The following RAD54L2 variants were observed in gnomAD, a reference collection of about 807,000 sequenced individuals.
The protein encoded by RAD54L2 is RAD54 like 2, also known as helicase ARIP4.
In RAD54L2, 27 loss-of-function variants were observed where a neutral mutation model predicts 138.4. The ratio of observed to expected loss-of-function variants is 0.20; its 90% CI spans 0.14 to 0.27. RAD54L2 has a LOEUF of 0.27. Among genes scored for constraint, RAD54L2 ranks in the 10% least tolerant of loss-of-function variants. RAD54L2 has a pLI of 1.00. For missense variants in RAD54L2, 1,396 were observed against 1,890.2 expected, an observed-to-expected ratio of 0.74 and a Z score of 4.85; for synonymous variants, 644 against 723.2, an observed-to-expected ratio of 0.89 and a Z score of 1.76.
At position 51,663,438 on chromosome 3, in the gene RAD54L2, A is replaced by G. The variant is rs758284252; in HGVS notation, c.*18A>G. On this transcript the variant is annotated 3_prime_UTR_variant, in exon 23 of 23. Coordinates refer to ENST00000684192, the MANE Select transcript of RAD54L2 (RefSeq NM_015106.4). ...GGAAATAGCTAGGGAGCCCCTCCCCACCTCACTTGGGGCCCCCAGCAGGTT... is the reference window on the plus strand; with the variant it reads ...GGAAATAGCTAGGGAGCCCCTCCCCGCCTCACTTGGGGCCCCCAGCAGGTT... The G allele has an allele frequency of 1.2e-6, 2 of 1,600,606 alleles. No homozygotes were observed. The highest frequency in any genetic ancestry group is 1.7e-6 in the Non-Finnish European group (2 of 1,171,080).
chr3:51,566,641 T>G (rs1231894279), intron 2 of RAD54L2, among the ~76,000 whole-genome samples: 2 of 151,818 alleles, frequency 1.3e-5, no homozygotes, highest in Non-Finnish European at 2.9e-5. Flanking sequence ...TTTTTAGAGA[T>G]AGTTATGTCT....
chr3:51,584,184 A>G (rs1225130172), intron 2 of RAD54L2, among the ~76,000 whole-genome samples: 3 of 152,136 alleles, frequency 2.0e-5, no homozygotes, highest in African/African-American at 7.2e-5. Context: ...CTTTAGTGCT[A>G]TGCTAGGTTC....
chr3:51,573,833 AAGTT>A (rs905071804), intron 2 of RAD54L2, among the ~76,000 whole-genome samples: 2 of 152,066 alleles, frequency 1.3e-5, no homozygotes, highest in African/African-American at 2.4e-5. Flanking sequence ...GTCTTTTAGA[AAGTT>A]ATTTATTTAT....
At chr3:51,655,881 A>G (rs1181697153) in intron 19 of RAD54L2, 90 bp from the exon 20 acceptor site, 2 of 1,149,598 alleles carry the variant, frequency 1.7e-6, no homozygotes, top group East Asian at 2.4e-5. Context: ...ATGGTGTAGA[A>G]TGGGGCAGCC....
chr3:51,570,881 G>A (rs533581801), intron 2 of RAD54L2, among the ~76,000 whole-genome samples: 2 of 152,120 alleles, frequency 1.3e-5, no homozygotes, highest in East Asian at 3.9e-4. Context: ...GAGTGCAATG[G>A]CATGATCTTG....
chr3:51,630,990 G>A (rs1014836588), intron 7 of RAD54L2, 59 bp downstream of exon 7: 1 of 1,493,616 alleles, frequency 6.7e-7, no homozygotes, highest in South Asian at 1.2e-5. Flanking sequence ...TGTGAACATT[G>A]CCTGCTGGTG....
chr3:51,624,239 T>G (rs1018244448), intron 3 of RAD54L2, among the ~76,000 whole-genome samples: 19 of 149,374 alleles, frequency 1.3e-4, no homozygotes, highest in African/African-American at 4.2e-4. Flanking sequence ...GTGGTTTTTT[T>G]TTTTTTTTTT....
At position 51,665,872 on chromosome 3, in the gene RAD54L2, ACTGTACTAGC is replaced by A. The variant is rs1559662844; in HGVS notation, c.*2455_*2464del. On this transcript the variant is annotated 3_prime_UTR_variant, in exon 23 of 23. Transcript: ENST00000684192. Reference sequence around the variant, plus strand: ...TTTCTGTGTTCACTTCTAGGAAATCACTGTACTAGCCTCCAAGAATCCGGAAACCTTCCCA... The same window carrying A: ...TTTCTGTGTTCACTTCTAGGAAATCACTCCAAGAATCCGGAAACCTTCCCA... The A allele has an allele frequency of 6.6e-6, 1 of 152,204 alleles. No individual in the cohort carries two copies. Among genetic ancestry groups the A allele is most frequent in the Non-Finnish European group, 1.5e-5 (1 of 68,036 alleles). 9.4% of individuals were successfully genotyped at this position (152,204 alleles called of 1,614,324 possible).
chr3:51,581,132 C>CT (rs1351281807), intron 2 of RAD54L2, among the ~76,000 whole-genome samples: 1 of 152,130 alleles, frequency 6.6e-6, no homozygotes, highest in Non-Finnish European at 1.5e-5. Flanking sequence ...TAACGAGACT[C>CT]TGTCGCCTAG....
At position 51,594,643 on chromosome 3, in the gene RAD54L2, T is replaced by C. The variant is rs540315452; in HGVS notation, c.139+4084T>C. On this transcript the variant is annotated intron_variant, in intron 3 of 22. Coordinates refer to ENST00000684192, the MANE Select transcript of RAD54L2 (RefSeq NM_015106.4). ...GGAAGAAGGTGATTGTTAATTATTG[T>C]TGAGCAGAGGTGGAAGGACAGTTAG... Among the ~76,000 whole-genome samples the C allele has an allele frequency of 7.2e-5, 11 of 152,178 alleles. No individual in the cohort carries two copies. In the East Asian group the frequency reaches 1.9e-3, roughly 27 times the overall value.
chr3:51,651,040 A>C (rs1015851972), intron 19 of RAD54L2, among the ~76,000 whole-genome samples: 5 of 152,202 alleles, frequency 3.3e-5, no homozygotes, highest in Non-Finnish European at 5.9e-5. Flanking sequence ...GAACACTAGC[A>C]AGACTAAGAA....
chr3:51,565,835 C>A (rs1057212286), intron 2 of RAD54L2, among the ~76,000 whole-genome samples: 8 of 147,474 alleles, frequency 5.4e-5, no homozygotes, highest in Admixed American at 1.4e-4. Flanking sequence ...CCCACCCCCC[C>A]CTTTTTTTTT....
intron 2 of RAD54L2, among the ~76,000 whole-genome samples, chr3:51,584,466 C>T (rs1699671009): frequency 6.6e-6 from 1 of 151,958 alleles, no homozygotes; most frequent in Non-Finnish European, 1.5e-5. Context: ...CATTGGGCTA[C>T]ATGGAGGTTT....
chr3:51,639,582 T>C lies in RAD54L2; in HGVS notation c.2024T>C (p.Met675Thr), dbSNP rs902915226. Reference protein sequence around the residue: ...KGEDSTLASSMGEATNSKFLQ... With the variant: ...KGEDSTLASSTGEATNSKFLQ... ...GAGGATAGCACCTTGGCTTCCTCGA[T>C]GGGAGAGGCAACCAATAGCAAGTTC... The change falls in exon 13 of 23, where the codon ATG (methionine) becomes ACG (threonine). Residue 675 changes from methionine to threonine, a missense_variant. Transcript: ENST00000684192. 10 of 1,613,862 alleles carry C rather than the reference T, an allele frequency of 6.2e-6. No homozygotes were observed. Among genetic ancestry groups the C allele is most frequent in the Non-Finnish European group, 7.6e-6 (9 of 1,179,890 alleles).
At chr3:51,629,576 C>T (rs528467188) in intron 5 of RAD54L2, 103 bp downstream of exon 5, 15 of 1,406,708 alleles carry the variant, frequency 1.1e-5, no homozygotes, top group Admixed American at 5.0e-5. Context: ...TGTGGCCTCT[C>T]GGCTGGGCGC....
chr3:51,666,181 T>TG lies in RAD54L2; in HGVS notation c.*2761_*2762insG, dbSNP rs1701907596. On this transcript the variant is annotated 3_prime_UTR_variant, in exon 23 of 23. Coordinates refer to ENST00000684192, the MANE Select transcript of RAD54L2 (RefSeq NM_015106.4). ...CCAGGTCCATGGTTTTTGCTTTTTTTTTTTTTTTTTTTTTTTTTTTTTTTT... is the reference window on the plus strand; with the variant it reads ...CCAGGTCCATGGTTTTTGCTTTTTTTGTTTTTTTTTTTTTTTTTTTTTTTTT... The TG allele has an allele frequency of 1.3e-5, 1 of 79,662 alleles. No homozygotes were observed. The highest frequency in any genetic ancestry group is 4.0e-5 in the African/African-American group (1 of 25,132). 4.9% of individuals were successfully genotyped at this position (79,662 alleles called of 1,614,324 possible).
chr3:51,599,565 T>A (rs968437124), intron 3 of RAD54L2, among the ~76,000 whole-genome samples: 1 of 151,798 alleles, frequency 6.6e-6, no homozygotes, highest in Non-Finnish European at 1.5e-5. Context: ...CTTTTCTTTT[T>A]TTTGGGACAG....
In RAD54L2 at chr3:51,665,034, G is replaced by C. The variant is rs1176577002; in HGVS notation, c.*1614G>C. On this transcript the variant is annotated 3_prime_UTR_variant, in exon 23 of 23. Coordinates refer to ENST00000684192, the MANE Select transcript of RAD54L2 (RefSeq NM_015106.4). ...ATGGAGGAGCCCTTTCTCTGTAGGA[G>C]CCCTAAGTCTGGGTTTTATCTTAAA... The C allele has an allele frequency of 1.3e-5, 2 of 152,114 alleles. No homozygotes were observed. The highest frequency in any genetic ancestry group is 2.9e-5 in the Non-Finnish European group (2 of 68,012). 9.4% of individuals were successfully genotyped at this position (152,114 alleles called of 1,614,324 possible). A position where few individuals can be genotyped will look rare whatever the true frequency, so the allele number is the denominator to read the frequency against.
chr3:51,602,217 T>C (rs1171196499), intron 3 of RAD54L2, among the ~76,000 whole-genome samples: 5 of 152,196 alleles, frequency 3.3e-5, no homozygotes, highest in African/African-American at 4.8e-5. Flanking sequence ...TGAACATTCA[T>C]GTACAAGTCT....
Sources: allele counts gnomAD v4.1 joint callset (sites outside exome capture counted in the v4.1 genomes callset), GRCh38; gene constraint gnomAD v4.1.1; transcripts MANE v1.5; gene names NCBI Gene and HGNC (gene_info 2026-07-23, HGNC 2026-07-21).